CENPM: variants seen among roughly 807,000 people sequenced by gnomAD.
CENPM encodes centromere protein M.
In CENPM, 14 loss-of-function variants were observed where a neutral mutation model predicts 19.6. The observed-to-expected ratio is 0.71, with a 90% CI of 0.47 to 1.11. CENPM has a LOEUF of 1.11. CENPM is among the 50% of genes most tolerant of loss of function. The pLI is 0.00. For missense variants in CENPM, 239 were observed against 228.4 expected (o/e 1.05, Z -0.30); for synonymous variants, 114 against 101.5 (o/e 1.12, Z -0.74).
At chr22:41,946,625 G>GA in intron 1 of CENPM, 129 bp from the exon 2 acceptor site, 1 of 746,330 alleles carries the variant, frequency 1.3e-6, no homozygotes. Context: ...CATTTCCCGA[G>GA]AAGTGGACCC....
chr22:41,945,224 C>T lies in CENPM; in HGVS notation c.310+1G>A. On this transcript the variant is annotated splice_donor_variant, in intron 4 of 5. Coordinates refer to ENST00000215980, the MANE Select transcript of CENPM (RefSeq NM_024053.5). LOFTEE classifies it high-confidence loss of function. ...CAGTAACAGGCGAGGAACGTACTTA[C>T]CACCTGTGGCGAGGAAACACACCTT... 1 of 1,613,980 alleles carries T rather than the reference C, an allele frequency of 6.2e-7. No individual in the cohort carries two copies. Among genetic ancestry groups the T allele is most frequent in the Non-Finnish European group, 8.5e-7 (1 of 1,179,992 alleles).
chr22:41,939,621 C>T (rs563546436), intron 5 of CENPM, among the ~76,000 whole-genome samples: 2 of 151,532 alleles, frequency 1.3e-5, no homozygotes, highest in East Asian at 2.0e-4. Flanking sequence ...GGAGGGGCAG[C>T]GGGTGGCCCT....
At chr22:41,941,498 T>C (rs986962724) in intron 5 of CENPM, among the ~76,000 whole-genome samples, 2 of 152,072 alleles carry the variant, frequency 1.3e-5, no homozygotes, top group African/African-American at 4.8e-5. Context: ...TGTCACAGGG[T>C]GAGTAGGCAC....
intron 5 of CENPM, among the ~76,000 whole-genome samples, chr22:41,943,276 T>A (rs569202762): frequency 6.6e-6 from 1 of 152,136 alleles, no homozygotes; most frequent in South Asian, 2.1e-4. Flanking sequence ...TACATACACA[T>A]AAGACTTAGT....
intron 2 of CENPM, 126 bp downstream of exon 2, chr22:41,946,291 C>T (rs990288635): frequency 4.9e-6 from 4 of 823,758 alleles, no homozygotes; most frequent in Non-Finnish European, 7.9e-6. Flanking sequence ...TAGCCAGCTA[C>T]GCTGCATGCT....
intron 2 of CENPM, 56 bp downstream of exon 2, chr22:41,946,361 C>G: frequency 6.8e-7 from 1 of 1,465,960 alleles, no homozygotes; most frequent in South Asian, 1.2e-5. Context: ...CAGCTAGGAC[C>G]GAATCCCTCT....
intron 5 of CENPM, among the ~76,000 whole-genome samples, chr22:41,941,384 G>A (rs1015845388): frequency 5.9e-5 from 9 of 152,194 alleles, no homozygotes; most frequent in African/African-American, 1.7e-4. Flanking sequence ...CTCCTGCTGC[G>A]GCGGGAACCA....
chr22:41,932,349 G>A, the CENPM span, among the ~76,000 whole-genome samples: 4 of 152,180 alleles, frequency 2.6e-5, no homozygotes, highest in Admixed American at 2.6e-4. This position sits in a 1 kb window ranked among gnomAD's most constrained non-coding sequence, Gnocchi z 4.3. Flanking sequence ...GGGCAGAGTG[G>A]CCACGGAATC....
intron 5 of CENPM, among the ~76,000 whole-genome samples, chr22:41,939,775 C>A (rs1199379509): frequency 9.1e-4 from 2 of 2,208 alleles, no homozygotes; most frequent in East Asian, 0.048. Flanking sequence ...GTGTCTGTCT[C>A]AAAAAAGAAA....
At chr22:41,946,309 G>T in intron 2 of CENPM, 108 bp downstream of exon 2, 1 of 938,230 alleles carries the variant, frequency 1.1e-6, no homozygotes. Flanking sequence ...GCTGGGAGAA[G>T]GACCAGCCTC....
chr22:41,947,102 C>G lies in CENPM; in HGVS notation c.-26G>C, dbSNP rs1243583659. On this transcript the variant is annotated 5_prime_UTR_variant, in exon 1 of 6. Transcript: ENST00000215980. The stretch of plus-strand genomic sequence containing the variant: ...CACAGCCGCAGGACCAACCGTTGCT[C>G]CTGCGGTGCGCGCCGATCTTTCAAA... 3 of 1,611,298 alleles carry G rather than the reference C, an allele frequency of 1.9e-6. No individual in the cohort carries two copies. Among genetic ancestry groups the G allele is most frequent in the Admixed American group, 3.3e-5 (2 of 59,952 alleles).
chr22:41,943,301 C>G (rs959102142), intron 5 of CENPM, among the ~76,000 whole-genome samples: 1 of 152,168 alleles, frequency 6.6e-6, no homozygotes, highest in Non-Finnish European at 1.5e-5. Context: ...ACTGAGTATG[C>G]AGAAACTCAG....
At chr22:41,931,729 G>A in the CENPM span, among the ~76,000 whole-genome samples, 1 of 151,858 alleles carries the variant, frequency 6.6e-6, no homozygotes, top group Non-Finnish European at 1.5e-5. Flanking sequence ...GCGTGGCCTG[G>A]GCCCTACATG....
At chr22:41,927,421 G>A in the CENPM span, among the ~76,000 whole-genome samples, 7 of 152,060 alleles carry the variant, frequency 4.6e-5, no homozygotes, top group Non-Finnish European at 8.8e-5. Context: ...CCATGACCCC[G>A]AGTGCTCCCC....
the CENPM span, among the ~76,000 whole-genome samples, chr22:41,933,021 C>T: frequency 2.0e-5 from 3 of 152,062 alleles, no homozygotes; most frequent in African/African-American, 7.3e-5. Context: ...GTCAGAAGGG[C>T]AGGGTGCTCG....
At chr22:41,930,513 C>CT in the CENPM span, among the ~76,000 whole-genome samples, 2 of 150,888 alleles carry the variant, frequency 1.3e-5, no homozygotes, top group Non-Finnish European at 1.5e-5. Flanking sequence ...AATTTCTTTT[C>CT]TTTTTTTTTG....
At chr22:41,934,392 G>C (rs1196577563), downstream of CENPM, among the ~76,000 whole-genome samples, 1 of 152,184 alleles carries the variant, frequency 6.6e-6, no homozygotes, top group African/African-American at 2.4e-5. Flanking sequence ...TAAGAGTGGG[G>C]CCCAAACACC....
chr22:41,945,419 C>A, intron 3 of CENPM, 115 bp from the exon 4 acceptor site: 2 of 1,460,782 alleles, frequency 1.4e-6, no homozygotes, highest in South Asian at 1.3e-5. Flanking sequence ...AAGAGGGTGA[C>A]TTTCTCTGGA....
At chr22:41,942,977 C>G (rs1216934100) in intron 5 of CENPM, among the ~76,000 whole-genome samples, 1 of 152,042 alleles carries the variant, frequency 6.6e-6, no homozygotes, top group Non-Finnish European at 1.5e-5. Flanking sequence ...AGGCTACTTT[C>G]CTACCCCTCG....
Sources: gnomAD v4.1 joint callset for allele counts (sites outside exome capture counted in the v4.1 genomes callset) on GRCh38, gnomAD v4.1.1 for gene constraint, Gnocchi (gnomAD v3.1) non-coding constraint, MANE v1.5 for transcripts, NCBI Gene and HGNC (gene_info 2026-07-23, HGNC 2026-07-21) for gene names.